EYA1: variants seen among roughly 807,000 people sequenced by gnomAD.
EYA1 encodes protein phosphatase EYA1.
A neutral mutation model predicts 82.0 loss-of-function variants in EYA1; 16 were observed. The ratio of observed to expected loss-of-function variants is 0.20; its 90% confidence interval spans 0.13 to 0.30. The LOEUF (loss-of-function observed/expected upper bound fraction) is 0.30, where lower values mean the gene tolerates loss of function less well. Ranked by LOEUF, EYA1 falls within the 10% of genes least tolerant of loss-of-function variation. The pLI is 1.00. For synonymous variants in EYA1, 261 were observed against 264.4 expected (o/e 0.99, Z 0.12); for missense variants, 633 against 730.7 (o/e 0.87, Z 1.54).
intron 2 of EYA1, among the ~76,000 whole-genome samples, chr8:71,447,053 A>G (rs1328571162): frequency 6.7e-6 from 1 of 149,244 alleles, no homozygotes; most frequent in Non-Finnish European, 1.5e-5. Flanking sequence ...CGGAACTGTC[A>G]TGCTCTGAAA....
At chr8:71,494,221 T>G (rs902723269) in intron 2 of EYA1, among the ~76,000 whole-genome samples, 2 of 152,140 alleles carry the variant, frequency 1.3e-5, no homozygotes, top group East Asian at 3.9e-4. Context: ...GACAGTGGTT[T>G]ATTTCATAGA....
intron 2 of EYA1, among the ~76,000 whole-genome samples, chr8:71,380,788 C>T (rs932663905): frequency 6.6e-6 from 1 of 152,218 alleles, no homozygotes; most frequent in Non-Finnish European, 1.5e-5. Context: ...ACTGGGGGCA[C>T]AACCAGTAAT....
intron 3 of EYA1, 40 bp downstream of exon 3, chr8:71,354,734 GATGAAGAA>G: frequency 6.3e-7 from 1 of 1,588,900 alleles, no homozygotes; most frequent in Non-Finnish European, 8.6e-7. Context: ...AGCATATACT[GATGAAGAA>G]ACAAGGTGCA....
chr8:71,309,573 CT>C (rs1029782589), intron 7 of EYA1, among the ~76,000 whole-genome samples: 3 of 152,146 alleles, frequency 2.0e-5, no homozygotes, highest in Non-Finnish European at 4.4e-5. Context: ...AAACCACTAT[CT>C]TTTAAAGTAA....
intron 2 of EYA1, among the ~76,000 whole-genome samples, chr8:71,466,180 G>T (rs898278370): frequency 1.3e-5 from 2 of 152,102 alleles, no homozygotes; most frequent in African/African-American, 4.8e-5. Flanking sequence ...TCAGAAATAT[G>T]ACTAAATATA....
At chr8:71,442,334 A>C (rs919624040) in intron 2 of EYA1, among the ~76,000 whole-genome samples, 1 of 152,156 alleles carries the variant, frequency 6.6e-6, no homozygotes, top group African/African-American at 2.4e-5. Context: ...TTGAATCTGG[A>C]GGCAAGTGAA....
intron 2 of EYA1, among the ~76,000 whole-genome samples, chr8:71,498,318 T>A (rs1811570967): frequency 6.6e-6 from 1 of 152,208 alleles, no homozygotes; most frequent in Non-Finnish European, 1.5e-5. Context: ...GATAAATACA[T>A]ACAATTTTAT....
At chr8:71,528,752 C>A (rs374740389) in intron 2 of EYA1, among the ~76,000 whole-genome samples, 1 of 152,180 alleles carries the variant, frequency 6.6e-6, no homozygotes, top group Admixed American at 6.5e-5. Context: ...CCTGAATCTG[C>A]GCTCTCATTC....
chr8:71,542,705 C>T (rs1356027407), intron 1 of EYA1, among the ~76,000 whole-genome samples: 1 of 152,198 alleles, frequency 6.6e-6, no homozygotes, highest in Middle Eastern at 3.2e-3. Context: ...TCCTTTTTCT[C>T]TGCAACCTCA....
intron 9 of EYA1, among the ~76,000 whole-genome samples, chr8:71,284,774 C>G (rs1818186822): frequency 6.6e-6 from 1 of 152,170 alleles, no homozygotes; most frequent in African/African-American, 2.4e-5. Context: ...TTAAAGTGGT[C>G]TATTTCTCTA....
Position 71,455,331 on chromosome 8 carries a change from A to G in EYA1, c.33+80413T>C, listed in dbSNP as rs547645568. Reference sequence around the variant, plus strand: ...CACTGCCGAATTCTACCAGAGGTACAAGGAGGAGCTGGTACCATTCCTTCT... The same window carrying G: ...CACTGCCGAATTCTACCAGAGGTACGAGGAGGAGCTGGTACCATTCCTTCT... On this transcript the variant is annotated intron_variant, in intron 2 of 18. Coordinates refer to the EYA1 transcript ENST00000643681. Among the ~76,000 whole-genome samples the G allele has an allele frequency of 1.6e-4, 24 of 152,328 alleles. No individual in the cohort carries two copies. In the South Asian group the frequency reaches 3.5e-3, roughly 22 times the overall value.
At chr8:71,314,107 A>T in intron 7 of EYA1, among the ~76,000 whole-genome samples, 1 of 152,230 alleles carries the variant, frequency 6.6e-6, no homozygotes, top group East Asian at 1.9e-4. Flanking sequence ...TAGCTATAAG[A>T]TGAAATTGAT....
intron 2 of EYA1, among the ~76,000 whole-genome samples, chr8:71,517,146 AGT>A (rs1813030508): frequency 2.6e-5 from 4 of 151,796 alleles, no homozygotes; most frequent in Admixed American, 2.0e-4. Flanking sequence ...CCCCTTCTTA[AGT>A]CACCTCACAT....
At chr8:71,234,488 G>T (rs1486306606) in intron 12 of EYA1, among the ~76,000 whole-genome samples, 2 of 152,020 alleles carry the variant, frequency 1.3e-5, no homozygotes, top group African/African-American at 2.4e-5. Context: ...TCTAACAGTC[G>T]CTCACTTCTC....
At chr8:71,233,613 T>A (rs1424792033) in intron 12 of EYA1, among the ~76,000 whole-genome samples, 2 of 151,722 alleles carry the variant, frequency 1.3e-5, no homozygotes, top group East Asian at 3.9e-4. Flanking sequence ...TCTTTTGATA[T>A]ACATACCTTT....
intron 7 of EYA1, among the ~76,000 whole-genome samples, chr8:71,307,230 A>G (rs1820825320): frequency 6.6e-6 from 1 of 152,088 alleles, no homozygotes; most frequent in Non-Finnish European, 1.5e-5. Context: ...AAAGATAAAT[A>G]ATAATTGAGC....
rs757399419 is a variant in EYA1 at position 71,321,791 on chromosome 8, C to T, written c.361G>A (p.Ala121Thr). ...TGTGGGTACGTGGCATAGGCTGTAGCTTGTTGCATTCCTGTGGTAAACTGT... is the reference window on the plus strand; with the variant it reads ...TGTGGGTACGTGGCATAGGCTGTAGTTTGTTGCATTCCTGTGGTAAACTGT... ...QTQFTTGMQQ[A>T]TAYATYPQPG... Residue 121 changes from alanine (A) to threonine (T), a missense_variant, in exon 6 of 18, where the codon GCT (alanine) becomes ACT (threonine). Coordinates refer to ENST00000340726, the MANE Select transcript of EYA1 (RefSeq NM_000503.6). 5 of 1,614,224 alleles carry T rather than the reference C, an allele frequency of 3.1e-6. No individual in the cohort carries two copies. The South Asian group carries it at 5.5e-5, about 18-fold the overall frequency.
chr8:71,298,248 C>T (rs1333665116), intron 9 of EYA1, among the ~76,000 whole-genome samples: 3 of 151,982 alleles, frequency 2.0e-5, no homozygotes, highest in Non-Finnish European at 4.4e-5. Flanking sequence ...GGCTTTAGCT[C>T]TGGAAACAGG....
At chr8:71,517,134 C>T (rs1173921822) in intron 2 of EYA1, among the ~76,000 whole-genome samples, 1 of 151,912 alleles carries the variant, frequency 6.6e-6, no homozygotes, top group African/African-American at 2.4e-5. Flanking sequence ...TCACCTTTAA[C>T]ACCCCTTCTT....
Sources: gnomAD v4.1 joint callset for allele counts (sites outside exome capture counted in the v4.1 genomes callset) on GRCh38, gnomAD v4.1.1 for gene constraint, MANE v1.5 for transcripts, NCBI Gene and HGNC (gene_info 2026-07-23, HGNC 2026-07-21) for gene names.